The following XRN1 variants were observed in gnomAD, a reference collection of about 807,000 sequenced individuals.
XRN1 encodes strand-exchange protein 1 homolog.
A neutral mutation model predicts 222.3 loss-of-function variants in XRN1; 67 were observed. The ratio of observed to expected loss-of-function variants is 0.30; its 90% CI spans 0.25 to 0.37. The LOEUF (loss-of-function observed/expected upper bound fraction) is 0.37. XRN1 is among the 10% of genes least tolerant of loss of function. XRN1 has a pLI of 1.00. For synonymous variants in XRN1, 643 were observed against 652.4 expected, an observed-to-expected ratio of 0.99 and a Z score of 0.22; for missense variants, 1,707 against 2,000.2, an observed-to-expected ratio of 0.85 and a Z score of 2.80.
intron 37 of XRN1, among the ~76,000 whole-genome samples, chr3:142,327,527 T>G (rs2065553106): frequency 6.6e-6 from 1 of 151,758 alleles, no homozygotes; most frequent in Non-Finnish European, 1.5e-5. Context: ...TTTGCTTATC[T>G]TTTAAAAAAA....
At chr3:142,380,492 C>T (rs1396936130) in intron 22 of XRN1, among the ~76,000 whole-genome samples, 1 of 151,974 alleles carries the variant, frequency 6.6e-6, no homozygotes, top group Non-Finnish European at 1.5e-5. Context: ...AGATCAGGTG[C>T]GTTCAGGGTG....
intron 32 of XRN1, among the ~76,000 whole-genome samples, chr3:142,353,442 C>T (rs1464709145): frequency 6.6e-6 from 1 of 152,144 alleles, no homozygotes; most frequent in Non-Finnish European, 1.5e-5. Flanking sequence ...TACCATGTAT[C>T]TGCCATGTAA....
At chr3:142,384,386 G>T in intron 21 of XRN1, 137 bp downstream of exon 21, 9 of 553,660 alleles carry the variant, frequency 1.6e-5, no homozygotes, top group Admixed American at 4.5e-5. Context: ...AAGTTATTTT[G>T]TAAATTATAT....
chr3:142,378,687 A>G (rs2067213072), intron 23 of XRN1, among the ~76,000 whole-genome samples: 1 of 152,140 alleles, frequency 6.6e-6, no homozygotes, highest in African/African-American at 2.4e-5. Flanking sequence ...AATAGAAAGC[A>G]GGAAAAAAAT....
intron 20 of XRN1, among the ~76,000 whole-genome samples, chr3:142,386,432 T>C (rs981582201): frequency 1.3e-5 from 2 of 152,196 alleles, no homozygotes; most frequent in Admixed American, 6.5e-5. Flanking sequence ...ATATAATCAG[T>C]TTGACAGCTG....
chr3:142,352,998 T>C lies in XRN1; in HGVS notation c.3768+2403A>G, dbSNP rs537862036. 2.0e-4 allele frequency among the ~76,000 whole-genome samples: 30 copies of C among 152,332 alleles called. No individual in the cohort carries two copies. In the South Asian group the frequency reaches 2.1e-3, roughly 11 times the overall value. ...GATAGGTAACTAGCAAAACATGTAG[T>C]AGGAATTTATTCCTTTCCTCTTCCT... On this transcript the variant is annotated intron_variant, in intron 32 of 40. Transcript: ENST00000392981.
intron 37 of XRN1, among the ~76,000 whole-genome samples, chr3:142,328,898 G>A (rs2065612294): frequency 6.7e-6 from 1 of 149,562 alleles, no homozygotes; most frequent in South Asian, 2.2e-4. Flanking sequence ...TGGGACTACA[G>A]GCTCACAACA....
chr3:142,348,142 GT>G (rs1032863390), intron 32 of XRN1, among the ~76,000 whole-genome samples: 6 of 151,950 alleles, frequency 3.9e-5, no homozygotes, highest in African/African-American at 1.5e-4. Context: ...ATGAATACTG[GT>G]GGGTTCATTC....
At chr3:142,397,285 C>T (rs372837390) in intron 20 of XRN1, 44 bp downstream of exon 20, 93 of 1,508,502 alleles carry the variant, frequency 6.2e-5, no homozygotes, top group Middle Eastern at 1.8e-4. Context: ...TACATTAAAA[C>T]GGATTTTAGT....
chr3:142,420,876 T>G (rs1394154992), intron 10 of XRN1, 140 bp downstream of exon 10: 2 of 1,053,356 alleles, frequency 1.9e-6, no homozygotes, highest in Admixed American at 4.9e-5. Flanking sequence ...AGAAACCAAA[T>G]CAATTTCTGA....
chr3:142,338,496 C>T (rs1327680096), intron 33 of XRN1, among the ~76,000 whole-genome samples: 1 of 152,120 alleles, frequency 6.6e-6, no homozygotes, highest in Non-Finnish European at 1.5e-5. Context: ...GAGTCTGAGA[C>T]ATGCTGGCTT....
At chr3:142,419,385 G>A (rs2068913321) in intron 10 of XRN1, among the ~76,000 whole-genome samples, 1 of 152,168 alleles carries the variant, frequency 6.6e-6, no homozygotes, top group South Asian at 2.1e-4. Context: ...CTGCTGCCAA[G>A]TTCCAGTGAG....
At chr3:142,407,423 G>A (rs1318898759) in intron 15 of XRN1, among the ~76,000 whole-genome samples, 1 of 152,076 alleles carries the variant, frequency 6.6e-6, no homozygotes, top group Non-Finnish European at 1.5e-5. Context: ...TCCACCTCCT[G>A]GGTTCAAGCA....
intron 15 of XRN1, among the ~76,000 whole-genome samples, chr3:142,406,880 A>G (rs1244252762): frequency 2.0e-5 from 3 of 152,228 alleles, no homozygotes; most frequent in Non-Finnish European, 4.4e-5. Flanking sequence ...TCTTGCAGTC[A>G]TCATCCAGTC....
At chr3:142,327,695 G>A (rs956902340) in intron 37 of XRN1, among the ~76,000 whole-genome samples, 17 of 151,850 alleles carry the variant, frequency 1.1e-4, no homozygotes, top group Non-Finnish European at 1.8e-4. Flanking sequence ...TTGTATAAAC[G>A]TAAGGGGTGC....
At chr3:142,443,244 C>T (rs1224112925) in intron 1 of XRN1, among the ~76,000 whole-genome samples, 1 of 152,174 alleles carries the variant, frequency 6.6e-6, no homozygotes, top group Non-Finnish European at 1.5e-5. Context: ...ACCCCTACTA[C>T]GTGCCAATTC....
At chr3:142,332,198 T>C (rs917415807) in intron 36 of XRN1, among the ~76,000 whole-genome samples, 177 bp downstream of exon 36, 3 of 152,116 alleles carry the variant, frequency 2.0e-5, no homozygotes, top group Admixed American at 6.6e-5. Context: ...AGTGAGAGGA[T>C]TGCTTGAGGT....
chr3:142,414,980 T>C (rs971727012), intron 13 of XRN1, among the ~76,000 whole-genome samples: 1 of 152,222 alleles, frequency 6.6e-6, no homozygotes, highest in Non-Finnish European at 1.5e-5. Context: ...CACTTGAGCC[T>C]GGATCATTTA....
chr3:142,339,431 A>T (rs1221394973), intron 33 of XRN1, among the ~76,000 whole-genome samples: 1 of 152,194 alleles, frequency 6.6e-6, no homozygotes, highest in Non-Finnish European at 1.5e-5. Flanking sequence ...CATTTCAAAT[A>T]CTTGGAAAGT....
Sources: gnomAD v4.1 joint callset for allele counts (sites outside exome capture counted in the v4.1 genomes callset) on GRCh38, gnomAD v4.1.1 for gene constraint, MANE v1.5 for transcripts, NCBI Gene and HGNC (gene_info 2026-07-23, HGNC 2026-07-21) for gene names.